Variants in PHRF1 observed in about 807,000 individuals in gnomAD.
PHRF1 encodes the protein PHD and RING finger domain-containing protein 1.
In PHRF1, 53 loss-of-function variants were observed where a neutral mutation model predicts 128.9. That is an observed-to-expected ratio of 0.41 (90% CI 0.33 to 0.52). PHRF1 has a LOEUF of 0.52. PHRF1 is among the 20% of genes least tolerant of loss of function. PHRF1 has a pLI of 0.21. For synonymous variants in PHRF1, 1,178 were observed against 980.6 expected, an observed-to-expected ratio of 1.20 and a Z score of -3.76; for missense variants, 2,503 against 2,284.5, an observed-to-expected ratio of 1.10 and a Z score of -1.95.
At chr11:595,159 C>G (rs1182928766) in intron 6 of PHRF1, among the ~76,000 whole-genome samples, 3 of 152,130 alleles carry the variant, frequency 2.0e-5, no homozygotes, top group Non-Finnish European at 4.4e-5. Flanking sequence ...CCCGTCTCTA[C>G]TAAAAATAAA....
In PHRF1 at chr11:585,838, G is replaced by A. The variant is rs555964571; in HGVS notation, c.215-1421G>A. 3.3e-4 allele frequency among the ~76,000 whole-genome samples: 50 copies of A among 149,432 alleles called. 1 individual carries two copies. Among genetic ancestry groups the A allele is most frequent in the Middle Eastern group, 3.4e-3 (1 of 292 alleles). ...TGGGACTATAGGCACCTGCCACCGC[G>A]TCCAGCTAATTTTTTGTATATTTAT... is the stretch of plus-strand genomic sequence containing the variant. On this transcript the variant is annotated intron_variant, in intron 3 of 17. Transcript: ENST00000264555.
In PHRF1 at chr11:592,564, A is replaced by C. The variant is rs776327896; in HGVS notation, c.510A>C (p.Pro170=). Residue 170 remains proline, a synonymous_variant, in exon 6 of 18, where the codon CCA becomes CCC. Transcript: ENST00000264555. ...GACCGACGATTCTGTCCTAGATCCC[A>C]GTGGAGAACACCAAAGCGAGCGAGG... ...QFGGKILRKI[P]VENTKASEEE... is the part of the protein sequence containing the mutation. 6 of 1,614,000 alleles carry C rather than the reference A, an allele frequency of 3.7e-6. No homozygotes were observed. In the South Asian group the frequency reaches 6.6e-5, roughly 18 times the overall value.
chr11:611,216 C>T, intron 17 of PHRF1, 134 bp downstream of exon 17: 2 of 1,402,200 alleles, frequency 1.4e-6, no homozygotes, highest in Non-Finnish European at 9.6e-7. Context: ...GGTCAGGGGG[C>T]TGTATTGCCA....
chr11:597,269 C>T lies in PHRF1; in HGVS notation c.719-126C>T. 8.1e-7 allele frequency: 1 copy of T among 1,228,042 alleles called. No individual in the cohort carries two copies. Among genetic ancestry groups the T allele is most frequent in the South Asian group, 1.5e-5 (1 of 66,838 alleles). The allele number at this position is 1,228,042 out of a possible 1,614,324, so 76.1% of individuals were successfully genotyped here. A position where few individuals can be genotyped will look rare whatever the true frequency, so the allele number is the denominator to read the frequency against. On this transcript the variant is annotated intron_variant, in intron 7 of 17. Transcript: ENST00000264555. This position sits in a 1 kb window ranked among gnomAD's most constrained non-coding sequence, Gnocchi z 6.5. The stretch of plus-strand genomic sequence containing the variant: ...TAGGAGCACCAGGCTCCATGAGCAG[C>T]CCTGGGTCCTGTGCACAGGTCAGCC...
rs756932298 is a variant in PHRF1 at position 612,061 on chromosome 11, CCT to C, written c.*287_*288del. On this transcript the variant is annotated 3_prime_UTR_variant, in exon 18 of 18. Transcript: ENST00000264555. ...ATCAAAAATGGATTATCTTTAGAAA[CCT>C]CTTGATTGACTTACTACTTGGAAGA... 2.1e-6 allele frequency: 1 copy of C among 474,580 alleles called. No homozygotes were observed. Among genetic ancestry groups the C allele is most frequent in the East Asian group, 3.6e-5 (1 of 27,760 alleles). 29.4% of individuals were successfully genotyped at this position (474,580 alleles called of 1,614,324 possible). A position where few individuals can be genotyped will look rare whatever the true frequency, so the allele number is the denominator to read the frequency against.
At chr11:603,027 T>C (rs2133039990) in intron 10 of PHRF1, among the ~76,000 whole-genome samples, 1 of 152,168 alleles carries the variant, frequency 6.6e-6, no homozygotes, top group African/African-American at 2.4e-5. Context: ...CCCAAAGTGC[T>C]GGGATTACAG....
intron 12 of PHRF1, 55 bp downstream of exon 12, chr11:605,779 G>A: frequency 6.5e-7 from 1 of 1,544,522 alleles, no homozygotes; most frequent in Non-Finnish European, 8.7e-7. Context: ...GGCATCGGAT[G>A]GGAGTTCTAG....
At chr11:577,893 C>T (rs1340779621) in intron 1 of PHRF1, among the ~76,000 whole-genome samples, 1 of 152,232 alleles carries the variant, frequency 6.6e-6, no homozygotes. Context: ...AGAGAAATAG[C>T]CTTTCCAGTT....
rs200183606 is a variant in PHRF1, at chr11:608,299, C to T, written c.2843C>T (p.Ser948Phe). The T allele has an allele frequency of 2.5e-4, 397 of 1,609,304 alleles. 3 individuals are homozygous for T. The highest frequency in any genetic ancestry group is 3.4e-4 in the Middle Eastern group (2 of 5,904). ...PEPWDEEDGA[S>F]CSTFFGSEER... ...CCCTGGGATGAGGAGGATGGGGCGTCTTGCAGCACCTTCTTTGGCTCTGAG... is the reference window on the plus strand; with the variant it reads ...CCCTGGGATGAGGAGGATGGGGCGTTTTGCAGCACCTTCTTTGGCTCTGAG... Residue 948 changes from serine (S) to phenylalanine (F), a missense_variant, in exon 14 of 18, where the codon TCT becomes TTT. By Grantham distance (155) the Ser-to-Phe change is radical (BLOSUM62 -2). Coordinates refer to ENST00000264555, the MANE Select transcript of PHRF1 (RefSeq NM_001286581.2).
At position 607,232 on chromosome 11, in the gene PHRF1, C is replaced by A. The variant is rs376666311; in HGVS notation, c.1776C>A (p.Pro592=). 5.0e-6 allele frequency: 8 copies of A among 1,612,348 alleles called. No individual in the cohort carries two copies. The highest frequency in any genetic ancestry group is 4.5e-5 in the East Asian group (2 of 44,858). Residue 592 remains proline (P), a synonymous_variant, in exon 14 of 18, where the codon CCC becomes CCA. Transcript: ENST00000264555. ...GLSCQGRSRT[P]ARTAGAPVRL... is the part of the protein sequence containing the mutation. Reference sequence around the variant, plus strand: ...GCTGTCAAGGCAGGTCCCGCACCCCCGCCCGCACCGCGGGGGCGCCTGTGA... The same window carrying A: ...GCTGTCAAGGCAGGTCCCGCACCCCAGCCCGCACCGCGGGGGCGCCTGTGA...
At chr11:579,774 C>T (rs534065602) in intron 1 of PHRF1, among the ~76,000 whole-genome samples, 14 of 152,328 alleles carry the variant, frequency 9.2e-5, no homozygotes, top group African/African-American at 2.9e-4. Context: ...TGTTTCCAGG[C>T]AGTAGTAAGA....
intron 4 of PHRF1, among the ~76,000 whole-genome samples, chr11:588,517 CTG>C (rs1189302505): frequency 6.6e-6 from 1 of 151,938 alleles, no homozygotes; most frequent in Non-Finnish European, 1.5e-5. Flanking sequence ...GTAGCTGGAA[CTG>C]TAGGTGCCCA....
Position 597,678 on chromosome 11 carries a change from GC to G in PHRF1, c.894+112del. The G allele has an allele frequency of 7.3e-7, 1 of 1,363,320 alleles. No individual in the cohort carries two copies. Among genetic ancestry groups the G allele is most frequent in the Non-Finnish European group, 9.9e-7 (1 of 1,008,606 alleles). 84.5% of individuals were successfully genotyped at this position (1,363,320 alleles called of 1,614,324 possible). A position where few individuals can be genotyped will look rare whatever the true frequency, so the allele number is the denominator to read the frequency against. ...TCGTCGGCACTGTGGGGTCCGCCCG[GC>G]CCCGGTGGCTCATGTTGTTCGGCCT... On this transcript the variant is annotated intron_variant, in intron 8 of 17. Transcript: ENST00000264555. The surrounding 1 kb of genome is among the most constrained non-coding windows in gnomAD (Gnocchi z 6.5).
At chr11:580,855 A>AT (rs1317979224) in intron 1 of PHRF1, among the ~76,000 whole-genome samples, 2 of 151,678 alleles carry the variant, frequency 1.3e-5, no homozygotes, top group Non-Finnish European at 2.9e-5. Flanking sequence ...CGCCTGGCTA[A>AT]TTTTTGTATT....
Position 607,243 on chromosome 11 carries a change from C to A in PHRF1, c.1787C>A (p.Ala596Glu), listed in dbSNP as rs756036456. 1.9e-6 allele frequency: 3 copies of A among 1,612,426 alleles called. No homozygotes were observed. The highest frequency in any genetic ancestry group is 2.7e-5 in the African/African-American group (2 of 75,054). Residue 596 changes from alanine (A) to glutamate (E), a missense_variant, in exon 14 of 18, where the codon GCG (alanine) becomes GAG (glutamate). Ala to Glu is a moderately radical substitution (Grantham distance 107, BLOSUM62 -1). Coordinates refer to ENST00000264555, the MANE Select transcript of PHRF1 (RefSeq NM_001286581.2). Reference sequence around the variant, plus strand: ...AGGTCCCGCACCCCCGCCCGCACCGCGGGGGCGCCTGTGAGGCTGGACTTG... The same window carrying A: ...AGGTCCCGCACCCCCGCCCGCACCGAGGGGGCGCCTGTGAGGCTGGACTTG... ...QGRSRTPART[A>E]GAPVRLDLPA...
rs1448975053 is a variant in PHRF1 at position 608,285 on chromosome 11, G to A, written c.2829G>A (p.Glu943=). ...RRPSPPEPWD[E]EDGASCSTFF... ...CATCCCCCCCAGAGCCCTGGGATGA[G>A]GAGGATGGGGCGTCTTGCAGCACCT... The change falls in exon 14 of 18, where the codon GAG becomes GAA. Residue 943 remains glutamate (E), a synonymous_variant. Coordinates refer to ENST00000264555, the MANE Select transcript of PHRF1 (RefSeq NM_001286581.2). 1 of 1,609,968 alleles carries A rather than the reference G, an allele frequency of 6.2e-7. No homozygotes were observed. The highest frequency in any genetic ancestry group is 8.5e-7 in the Non-Finnish European group (1 of 1,179,328).
chr11:581,659 G>C, intron 2 of PHRF1, 53 bp downstream of exon 2: 1 of 1,516,362 alleles, frequency 6.6e-7, no homozygotes. Context: ...AGGGTGCCTG[G>C]TGTTTCCCTT....
intron 3 of PHRF1, among the ~76,000 whole-genome samples, chr11:585,765 C>T (rs1854514996): frequency 6.7e-6 from 1 of 148,608 alleles, no homozygotes; most frequent in Admixed American, 6.9e-5. Flanking sequence ...ACTGCAAGCT[C>T]TGCGTCCCAG....
chr11:598,305 A>C, intron 8 of PHRF1, 68 bp from the exon 9 acceptor site: 1 of 1,545,526 alleles, frequency 6.5e-7, no homozygotes. Flanking sequence ...TCTGGGCTCC[A>C]TTTGGGGTCT....
Sources: allele counts gnomAD v4.1 joint callset (sites outside exome capture counted in the v4.1 genomes callset), GRCh38; gene constraint gnomAD v4.1.1; non-coding constraint Gnocchi (gnomAD v3.1); transcripts MANE v1.5; gene names NCBI Gene and HGNC (gene_info 2026-07-23, HGNC 2026-07-21).